KCNH8: variants seen among roughly 807,000 people sequenced by gnomAD.
The protein encoded by KCNH8 is potassium voltage-gated channel subfamily H member 8, also known as voltage-gated delayed rectifier potassium channel KCNH8.
Under a neutral mutation model 103.6 loss-of-function variants are expected in KCNH8, and 70 were observed. The observed-to-expected ratio is 0.68, with a 90% CI of 0.56 to 0.82. The LOEUF (loss-of-function observed/expected upper bound fraction) is 0.82. KCNH8 is among the 40% of genes least tolerant of loss of function. KCNH8 has a pLI of 0.00. For missense variants in KCNH8, 1,217 were observed against 1,329.9 expected, an observed-to-expected ratio of 0.92 and a Z score of 1.32; for synonymous variants, 498 against 489.4, an observed-to-expected ratio of 1.02 and a Z score of -0.23.
chr3:19,353,502 A>G (rs1256820425), intron 5 of KCNH8, among the ~76,000 whole-genome samples: 1 of 152,140 alleles, frequency 6.6e-6, no homozygotes, highest in Non-Finnish European at 1.5e-5. Context: ...CTGGCAAACC[A>G]AATCCAGCAG....
intron 9 of KCNH8, chr3:19,450,926 T>C: frequency 1.9e-6 from 1 of 519,664 alleles, no homozygotes; most frequent in Non-Finnish European, 3.4e-6. Flanking sequence ...GAGGCTTTTT[T>C]AATTTGTTCT....
Position 19,376,676 on chromosome 3 carries a change from T to C in KCNH8, c.812-13805T>C, listed in dbSNP as rs527620874. 2.6e-5 allele frequency among the ~76,000 whole-genome samples: 4 copies of C among 152,368 alleles called. No homozygotes were observed. In the East Asian group the frequency reaches 5.8e-4, roughly 22 times the overall value. ...TGTATTGCCCACAGCCTGATTATTA[T>C]TGTGGTTTCCATGGAAATCAGTAAT... On this transcript the variant is annotated intron_variant, in intron 5 of 15. Coordinates refer to ENST00000328405, the MANE Select transcript of KCNH8 (RefSeq NM_144633.3).
chr3:19,500,142 G>C (rs2068544510), intron 11 of KCNH8, among the ~76,000 whole-genome samples: 1 of 152,134 alleles, frequency 6.6e-6, no homozygotes. Flanking sequence ...TGCAATCCTA[G>C]TCTCTGATAA....
At chr3:19,371,003 C>A (rs1453451473) in intron 5 of KCNH8, among the ~76,000 whole-genome samples, 1 of 152,158 alleles carries the variant, frequency 6.6e-6, no homozygotes, top group African/African-American at 2.4e-5. Context: ...TTAATCCAGT[C>A]TATTACTGTT....
intron 3 of KCNH8, among the ~76,000 whole-genome samples, chr3:19,319,715 A>G (rs571440072): frequency 1.3e-5 from 2 of 152,102 alleles, no homozygotes; most frequent in Admixed American, 1.3e-4. Flanking sequence ...TGATGGTGGA[A>G]TTTTTATGGA....
At chr3:19,494,072 A>G (rs1179820801) in intron 11 of KCNH8, among the ~76,000 whole-genome samples, 1 of 152,168 alleles carries the variant, frequency 6.6e-6, no homozygotes, top group African/African-American at 2.4e-5. Context: ...AGTGCCACTT[A>G]TAAGTGAGAA....
intron 11 of KCNH8, among the ~76,000 whole-genome samples, chr3:19,466,537 G>A (rs367767428): frequency 5.8e-4 from 88 of 151,140 alleles, no homozygotes; most frequent in African/African-American, 2.1e-3. Context: ...GCCTTCAGCA[G>A]CCACCACCCT....
intron 5 of KCNH8, among the ~76,000 whole-genome samples, chr3:19,366,291 A>G (rs9851481): frequency 0.012 from 1,776 of 152,148 alleles, 25 homozygotes; most frequent in African/African-American, 0.04. Flanking sequence ...AAGGAAAATG[A>G]AGTTGTATTT....
chr3:19,351,599 G>A (rs144682858), intron 5 of KCNH8, among the ~76,000 whole-genome samples: 1,643 of 152,256 alleles, frequency 0.011, 21 homozygotes, highest in Non-Finnish European at 0.016. Context: ...TTAAGGAAAA[G>A]AATTTTCAAC....
chr3:19,504,932 C>T (rs747574640), intron 11 of KCNH8, among the ~76,000 whole-genome samples: 9 of 150,816 alleles, frequency 6.0e-5, no homozygotes, highest in Non-Finnish European at 7.4e-5. Flanking sequence ...ATCTACAAGC[C>T]CACTGATAAT....
intron 1 of KCNH8, among the ~76,000 whole-genome samples, chr3:19,241,289 C>G (rs778129731): frequency 1.6e-4 from 25 of 152,100 alleles, no homozygotes; most frequent in South Asian, 1.0e-3. Context: ...TGACTCACCA[C>G]CTGTCTGAGA....
In KCNH8 at chr3:19,498,918, T is replaced by A. The variant is rs536125460; in HGVS notation, c.2041-11445T>A. ...GGGGGTCAGGGGTCAGGGACCCACTTGAGGAGGCAGTCTGCCCGTTCTCAG... is the reference window on the plus strand; with the variant it reads ...GGGGGTCAGGGGTCAGGGACCCACTAGAGGAGGCAGTCTGCCCGTTCTCAG... On this transcript the variant is annotated intron_variant, in intron 11 of 15. Coordinates refer to ENST00000328405, the MANE Select transcript of KCNH8 (RefSeq NM_144633.3). Among the ~76,000 whole-genome samples, 445 of 152,244 alleles carry A rather than the reference T, an allele frequency of 2.9e-3. 1 individual carries two copies. The highest frequency in any genetic ancestry group is 4.7e-3 in the Non-Finnish European group (322 of 68,016).
chr3:19,480,201 T>G (rs2068059751), intron 11 of KCNH8, among the ~76,000 whole-genome samples: 1 of 152,196 alleles, frequency 6.6e-6, no homozygotes, highest in Non-Finnish European at 1.5e-5. Context: ...GTCCAGGCTG[T>G]GGGTTCTGCG....
chr3:19,369,439 C>G (rs2066057184), intron 5 of KCNH8, among the ~76,000 whole-genome samples: 1 of 151,918 alleles, frequency 6.6e-6, no homozygotes, highest in African/African-American at 2.4e-5. Flanking sequence ...TACTCCTCCC[C>G]TAAATATTAA....
intron 15 of KCNH8, among the ~76,000 whole-genome samples, chr3:19,533,065 G>A (rs147708511): frequency 1.7e-4 from 26 of 152,046 alleles, no homozygotes; most frequent in Admixed American, 5.9e-4. Context: ...TTAGCTGCAC[G>A]TTGTGGTGGG....
At chr3:19,361,314 C>T (rs536138720) in intron 5 of KCNH8, among the ~76,000 whole-genome samples, 9 of 152,136 alleles carry the variant, frequency 5.9e-5, no homozygotes, top group African/African-American at 1.9e-4. Flanking sequence ...CATTTTTCTG[C>T]CCAAACAGTT....
intron 1 of KCNH8, among the ~76,000 whole-genome samples, chr3:19,161,999 C>G (rs2063238691): frequency 6.6e-6 from 1 of 151,620 alleles, no homozygotes; most frequent in South Asian, 2.1e-4. Flanking sequence ...AATATCTGAG[C>G]CTTTGAATTA....
At chr3:19,289,006 C>G (rs1159535161) in intron 3 of KCNH8, among the ~76,000 whole-genome samples, 1 of 152,104 alleles carries the variant, frequency 6.6e-6, no homozygotes, top group African/African-American at 2.4e-5. Context: ...TTTCACGTGT[C>G]TTTTGGCTGC....
chr3:19,398,203 G>A (rs2066554084), intron 7 of KCNH8, among the ~76,000 whole-genome samples: 1 of 151,930 alleles, frequency 6.6e-6, no homozygotes, highest in Non-Finnish European at 1.5e-5. Flanking sequence ...AGGCACTGGG[G>A]ATACCAAAAC....
Sources: gnomAD v4.1 joint callset for allele counts (sites outside exome capture counted in the v4.1 genomes callset) on GRCh38, gnomAD v4.1.1 for gene constraint, MANE v1.5 for transcripts, NCBI Gene and HGNC (gene_info 2026-07-23, HGNC 2026-07-21) for gene names.